PRKN: variants seen among roughly 807,000 people sequenced by gnomAD.
The protein encoded by PRKN is parkin RBR E3 ubiquitin protein ligase, also known as E3 ubiquitin-protein ligase parkin.
Under a neutral mutation model 59.5 loss-of-function variants are expected in PRKN, and 56 were observed. The observed-to-expected ratio is 0.94, with a 90% CI of 0.76 to 1.18. PRKN has a LOEUF of 1.18. Ranked by LOEUF, PRKN falls within the 50% of genes most tolerant of loss-of-function variation. The pLI is 0.00. For synonymous variants in PRKN, 250 were observed against 222.1 expected (o/e 1.13, Z -1.12); for missense variants, 657 against 596.4 (o/e 1.10, Z -1.06).
At chr6:162,660,723 T>C (rs1778845665) in intron 1 of PRKN, among the ~76,000 whole-genome samples, 1 of 152,088 alleles carries the variant, frequency 6.6e-6, no homozygotes, top group Non-Finnish European at 1.5e-5. Flanking sequence ...TTCAACAAAG[T>C]AAAGAGATGG....
At chr6:162,300,218 C>T (rs531162425) in intron 2 of PRKN, among the ~76,000 whole-genome samples, 6 of 151,826 alleles carry the variant, frequency 4.0e-5, no homozygotes, top group East Asian at 3.9e-4. Flanking sequence ...TGTGTTTTGT[C>T]GGCCTTTAAA....
intron 4 of PRKN, among the ~76,000 whole-genome samples, chr6:162,148,593 G>GAAACAAAC (rs34428585): frequency 0.29 from 43,350 of 151,274 alleles, 6,468 homozygotes; most frequent in Middle Eastern, 0.36. Context: ...AAGCCAGATT[G>GAAACAAAC]AAACAAACAA....
intron 6 of PRKN, among the ~76,000 whole-genome samples, chr6:161,831,000 C>T (rs139360193): frequency 6.2e-4 from 95 of 152,286 alleles, no homozygotes; most frequent in Middle Eastern, 6.8e-3. Context: ...CCAAGCTCCA[C>T]ATTCTGGTTC....
At chr6:161,508,281 C>T (rs1423595902) in intron 9 of PRKN, among the ~76,000 whole-genome samples, 7 of 152,168 alleles carry the variant, frequency 4.6e-5, no homozygotes, top group African/African-American at 1.7e-4. Context: ...AGATTCAAGA[C>T]CTTCTATAAA....
At position 161,460,608 on chromosome 6, in the gene PRKN, G is replaced by A. The variant is rs747274570; in HGVS notation, c.1084-73731C>T. Reference sequence around the variant, plus strand: ...ACATGTGCTGGCAGGAGTTCCGGGGGCACAAGGCCAAGCTGAAGAAGACAC... The same window carrying A: ...ACATGTGCTGGCAGGAGTTCCGGGGACACAAGGCCAAGCTGAAGAAGACAC... On this transcript the variant is annotated intron_variant, in intron 9 of 11. Coordinates refer to ENST00000366898, the MANE Select transcript of PRKN (RefSeq NM_004562.3). This position sits in a 1 kb window ranked among gnomAD's most constrained non-coding sequence, Gnocchi z 5.0. 4.6e-5 allele frequency among the ~76,000 whole-genome samples: 7 copies of A among 152,112 alleles called. No homozygotes were observed. The highest frequency in any genetic ancestry group is 1.0e-4 in the Non-Finnish European group (7 of 68,016).
intron 6 of PRKN, among the ~76,000 whole-genome samples, chr6:161,789,140 G>A (rs116034366): frequency 6.6e-6 from 1 of 152,056 alleles, no homozygotes; most frequent in East Asian, 1.9e-4. Flanking sequence ...TGGAAAGTTA[G>A]GTGAGGAATA....
intron 6 of PRKN, among the ~76,000 whole-genome samples, chr6:161,896,483 T>TC (rs1475360212): frequency 6.6e-6 from 1 of 152,100 alleles, no homozygotes; most frequent in Non-Finnish European, 1.5e-5. Flanking sequence ...TGTGAGCCCC[T>TC]CCACCAGCTG....
intron 4 of PRKN, among the ~76,000 whole-genome samples, chr6:162,061,841 T>C (rs974212229): frequency 2.0e-5 from 3 of 152,142 alleles, no homozygotes; most frequent in Admixed American, 1.3e-4. Flanking sequence ...CTTTCTATAG[T>C]AGCTACAAAA....
intron 2 of PRKN, among the ~76,000 whole-genome samples, chr6:162,299,606 C>T (rs2128112684): frequency 6.6e-6 from 1 of 151,816 alleles, no homozygotes; most frequent in Admixed American, 6.6e-5. Context: ...ATAAACTATA[C>T]ATTATCACTT....
chr6:161,835,810 A>G (rs1422873112), intron 6 of PRKN, among the ~76,000 whole-genome samples: 1 of 152,180 alleles, frequency 6.6e-6, no homozygotes. Flanking sequence ...CTGTCTCTCT[A>G]AGCCTGGAGG....
chr6:161,788,000 A>T (rs1286518374), intron 6 of PRKN, among the ~76,000 whole-genome samples: 4 of 152,220 alleles, frequency 2.6e-5, no homozygotes, highest in African/African-American at 9.6e-5. Flanking sequence ...AAGAAAACTT[A>T]CAGAGCCTAA....
chr6:161,642,025 T>A (rs1783763004), intron 7 of PRKN, among the ~76,000 whole-genome samples: 1 of 152,222 alleles, frequency 6.6e-6, no homozygotes. Context: ...AATTTATGAA[T>A]GTCTGGCTGC....
chr6:161,956,696 C>T (rs1392177508), intron 6 of PRKN, among the ~76,000 whole-genome samples: 1 of 152,068 alleles, frequency 6.6e-6, no homozygotes. Flanking sequence ...GTTGCAAAAA[C>T]ATATACATAT....
intron 2 of PRKN, among the ~76,000 whole-genome samples, chr6:162,268,333 G>T (rs1289482323): frequency 6.6e-6 from 1 of 152,146 alleles, no homozygotes; most frequent in Non-Finnish European, 1.5e-5. Context: ...ATAAGGCAGT[G>T]CAAGTGACTT....
At chr6:161,574,716 G>A (rs563258282) in intron 7 of PRKN, among the ~76,000 whole-genome samples, 9 of 152,226 alleles carry the variant, frequency 5.9e-5, no homozygotes, top group Non-Finnish European at 1.2e-4. Flanking sequence ...GAAGTGTTTG[G>A]ACATCTATTG....
In PRKN at chr6:161,475,154, G is replaced by T. The variant is rs1438750356; in HGVS notation, c.1083+73700C>A. 6.6e-6 allele frequency among the ~76,000 whole-genome samples: 1 copy of T among 152,102 alleles called. No homozygotes were observed. The highest frequency in any genetic ancestry group is 1.5e-5 in the Non-Finnish European group (1 of 68,028). ...TCATGATCTGCCTGCCTCTCAAAGC[G>T]CTGGGATTGCAGGCATAAGCCACCA... is the stretch of plus-strand genomic sequence containing the variant. On this transcript the variant is annotated intron_variant, in intron 9 of 11. Transcript: ENST00000366898. This position sits in a 1 kb window ranked among gnomAD's most constrained non-coding sequence, Gnocchi z 5.3.
intron 7 of PRKN, among the ~76,000 whole-genome samples, chr6:161,630,216 A>G (rs1783248663): frequency 1.3e-5 from 2 of 152,104 alleles, no homozygotes; most frequent in Non-Finnish European, 2.9e-5. Flanking sequence ...GGTCTGAAAA[A>G]TTGAGCTTTG....
chr6:162,021,424 C>T (rs1374395449), intron 5 of PRKN, among the ~76,000 whole-genome samples: 3 of 132,204 alleles, frequency 2.3e-5, no homozygotes, highest in African/African-American at 8.6e-5. Context: ...TTTTGATGTC[C>T]CGGCATTACA....
Position 161,423,764 on chromosome 6 carries a change from C to A in PRKN, c.1084-36887G>T, listed in dbSNP as rs1788208210. On this transcript the variant is annotated intron_variant, in intron 9 of 11. Transcript: ENST00000366898. This position sits in a 1 kb window ranked among gnomAD's most constrained non-coding sequence, Gnocchi z 5.9. ...ATAGGCTACACACAACCACTATCAT[C>A]TTTCTCCACCATTTGTCTAGAAGAG... Among the ~76,000 whole-genome samples, 1 of 152,198 alleles carries A rather than the reference C, an allele frequency of 6.6e-6. No homozygotes were observed.
Sources: gnomAD v4.1 joint callset for allele counts (sites outside exome capture counted in the v4.1 genomes callset) on GRCh38, gnomAD v4.1.1 for gene constraint, Gnocchi (gnomAD v3.1) non-coding constraint, MANE v1.5 for transcripts, NCBI Gene and HGNC (gene_info 2026-07-23, HGNC 2026-07-21) for gene names.